The following PHC2 variants were observed in gnomAD, a reference collection of about 807,000 sequenced individuals.
PHC2 encodes polyhomeotic homolog 2.
PHC2 carries 29 observed loss-of-function variants against 87.4 expected under a neutral mutation model. The observed-to-expected ratio is 0.33, with a 90% CI of 0.25 to 0.45. The LOEUF (loss-of-function observed/expected upper bound fraction) is 0.45, where lower values mean the gene tolerates loss of function less well. Ranked by LOEUF, PHC2 falls within the 20% of genes least tolerant of loss-of-function variation. The pLI, the probability that PHC2 is intolerant of heterozygous loss-of-function variation, is 1.00. For missense variants in PHC2, 857 were observed against 1,136.7 expected, an observed-to-expected ratio of 0.75 and a Z score of 3.54; for synonymous variants, 438 against 461.7, an observed-to-expected ratio of 0.95 and a Z score of 0.66.
At chr1:33,380,141 GCTCT>G (rs923902060) in intron 1 of PHC2, among the ~76,000 whole-genome samples, 1 of 152,210 alleles carries the variant, frequency 6.6e-6, no homozygotes, top group East Asian at 1.9e-4. Flanking sequence ...TCTCTTGACT[GCTCT>G]CTCTCTCAAT....
At chr1:33,419,025 C>T (rs773134492) in intron 1 of PHC2, among the ~76,000 whole-genome samples, 7 of 152,200 alleles carry the variant, frequency 4.6e-5, no homozygotes, top group Non-Finnish European at 7.3e-5. Context: ...TTACTAACTG[C>T]ATCACTTTGG....
intron 1 of PHC2, among the ~76,000 whole-genome samples, chr1:33,415,447 C>T (rs949253435): frequency 4.6e-5 from 7 of 152,200 alleles, no homozygotes; most frequent in East Asian, 1.9e-4. Flanking sequence ...TCTAGACCAA[C>T]GGCTGCTCTG....
At chr1:33,378,492 C>T (rs1375767208) in intron 1 of PHC2, among the ~76,000 whole-genome samples, 1 of 152,142 alleles carries the variant, frequency 6.6e-6, no homozygotes, top group Non-Finnish European at 1.5e-5. Context: ...TCATTACACA[C>T]TGGAAAATCT....
At chr1:33,342,465 C>CAA (rs1646762382) in intron 9 of PHC2, among the ~76,000 whole-genome samples, 1 of 152,168 alleles carries the variant, frequency 6.6e-6, no homozygotes, top group African/African-American at 2.4e-5. Flanking sequence ...GAATGTGCTC[C>CAA]AAGCTGCCAC....
rs2148263331 is a variant in PHC2 at position 33,349,775 on chromosome 1, A to G, written c.1558+4626T>C. The G allele has an allele frequency of 2.0e-6, 2 of 977,308 alleles. No individual in the cohort carries two copies. Among genetic ancestry groups the G allele is most frequent in the Middle Eastern group, 5.3e-4 (1 of 1,900 alleles). The allele number at this position is 977,308 out of a possible 1,614,324, so 60.5% of individuals were successfully genotyped here. ...GCACCGGCCTGGCCGGCGTCAACAAAGGGCGGCCGGGGCGCGAGGCCGGGA... is the reference window on the plus strand; with the variant it reads ...GCACCGGCCTGGCCGGCGTCAACAAGGGGCGGCCGGGGCGCGAGGCCGGGA... On this transcript the variant is annotated intron_variant, in intron 9 of 14. Transcript: ENST00000683057. This position sits in a 1 kb window ranked among gnomAD's most constrained non-coding sequence, Gnocchi z 4.2.
At chr1:33,403,123 CTTT>C (rs34887101) in intron 1 of PHC2, among the ~76,000 whole-genome samples, 1 of 74,640 alleles carries the variant, frequency 1.3e-5, no homozygotes, top group African/African-American at 5.7e-5. Context: ...GCCCGGCCCA[CTTT>C]TTTTTTTTTT....
intron 9 of PHC2, among the ~76,000 whole-genome samples, chr1:33,348,830 T>C (rs901067637): frequency 2.0e-5 from 3 of 151,988 alleles, no homozygotes; most frequent in Non-Finnish European, 4.4e-5. Flanking sequence ...ACCGAAAGTA[T>C]GTGGGTGAGA....
chr1:33,408,470 T>G (rs1357345869), intron 1 of PHC2, among the ~76,000 whole-genome samples: 1 of 152,120 alleles, frequency 6.6e-6, no homozygotes, highest in African/African-American at 2.4e-5. Context: ...TTTTGTTTGT[T>G]TTTGTTTTGA....
intron 1 of PHC2, among the ~76,000 whole-genome samples, chr1:33,416,172 G>A (rs1650193789): frequency 6.6e-6 from 1 of 152,088 alleles, no homozygotes; most frequent in Non-Finnish European, 1.5e-5. Flanking sequence ...TATACAGAAA[G>A]TGACTCCAAG....
intron 1 of PHC2, among the ~76,000 whole-genome samples, chr1:33,412,674 A>G (rs1256746991): frequency 2.6e-5 from 4 of 152,180 alleles, no homozygotes; most frequent in Non-Finnish European, 5.9e-5. Flanking sequence ...CCCTACCCTA[A>G]TAAGTGGCAA....
At chr1:33,403,476 G>A (rs1649632018) in intron 1 of PHC2, among the ~76,000 whole-genome samples, 1 of 152,144 alleles carries the variant, frequency 6.6e-6, no homozygotes, top group Admixed American at 6.5e-5. Context: ...AGATGAAGAA[G>A]GTAGATGCAA....
chr1:33,396,810 T>C (rs951183809), intron 1 of PHC2, among the ~76,000 whole-genome samples: 2 of 152,182 alleles, frequency 1.3e-5, no homozygotes, highest in Non-Finnish European at 2.9e-5. Flanking sequence ...GTAGAGGCTT[T>C]GCAAGCTGAG....
chr1:33,385,470 C>T (rs924728880), intron 1 of PHC2, among the ~76,000 whole-genome samples: 2 of 152,204 alleles, frequency 1.3e-5, no homozygotes, highest in African/African-American at 4.8e-5. Flanking sequence ...CTTTCTGCGC[C>T]TCATTTGCCT....
At chr1:33,411,354 G>A (rs1025650792) in intron 1 of PHC2, among the ~76,000 whole-genome samples, 13 of 151,802 alleles carry the variant, frequency 8.6e-5, no homozygotes, top group Non-Finnish European at 2.9e-5. Flanking sequence ...TAAATTGAGA[G>A]ACAACTAGAG....
intron 1 of PHC2, among the ~76,000 whole-genome samples, chr1:33,377,362 A>C (rs186720218): frequency 2.0e-5 from 3 of 152,258 alleles, no homozygotes; most frequent in Admixed American, 1.3e-4. Flanking sequence ...ACCTTCTGGA[A>C]TCTCCTATCC....
At chr1:33,422,192 T>C (rs1650460891) in intron 1 of PHC2, among the ~76,000 whole-genome samples, 1 of 152,198 alleles carries the variant, frequency 6.6e-6, no homozygotes, top group Non-Finnish European at 1.5e-5. Context: ...CAGAAAACTT[T>C]TCCTAACATT....
At position 33,349,402 on chromosome 1, in the gene PHC2, T is replaced by A; in HGVS notation, c.1558+4999A>T. On this transcript the variant is annotated intron_variant, in intron 9 of 14. Transcript: ENST00000683057. This position sits in a 1 kb window ranked among gnomAD's most constrained non-coding sequence, Gnocchi z 4.2. ...TTCCAGGGGCGACGGGCGCGCAGGG[T>A]CCCCAGGCGAGCGAGGCTGGGGAGC... 1.0e-6 allele frequency: 1 copy of A among 984,334 alleles called. No homozygotes were observed. Among genetic ancestry groups the A allele is most frequent in the Non-Finnish European group, 1.2e-6 (1 of 829,650 alleles). The allele number at this position is 984,334 out of a possible 1,614,324, so 61.0% of individuals were successfully genotyped here.
At chr1:33,409,128 A>T (rs989358415) in intron 1 of PHC2, among the ~76,000 whole-genome samples, 6 of 152,230 alleles carry the variant, frequency 3.9e-5, no homozygotes, top group Non-Finnish European at 5.9e-5. Flanking sequence ...GGGTATATTT[A>T]AAAAATATAC....
At position 33,349,996 on chromosome 1, in the gene PHC2, A is replaced by G. The variant is rs1319726667; in HGVS notation, c.1558+4405T>C. ...GGGCCGCGGGAGGGGCGGGGCGGAC[A>G]CGGGCCGCGCGCTTCCTTTGTGCGG... On this transcript the variant is annotated intron_variant, in intron 9 of 14. Coordinates refer to ENST00000683057, the MANE Select transcript of PHC2 (RefSeq NM_001385109.1). The surrounding 1 kb of genome is among the most constrained non-coding windows in gnomAD (Gnocchi z 4.2). 10 of 270,642 alleles carry G rather than the reference A, an allele frequency of 3.7e-5. No individual in the cohort carries two copies. In the South Asian group the frequency reaches 1.3e-3, roughly 34 times the overall value. The allele number at this position is 270,642 out of a possible 1,614,324, so 16.8% of individuals were successfully genotyped here.
Sources: allele counts gnomAD v4.1 joint callset (sites outside exome capture counted in the v4.1 genomes callset), GRCh38; gene constraint gnomAD v4.1.1; non-coding constraint Gnocchi (gnomAD v3.1); transcripts MANE v1.5; gene names NCBI Gene and HGNC (gene_info 2026-07-23, HGNC 2026-07-21).